GRID2: variants seen among roughly 807,000 people sequenced by gnomAD.
The protein encoded by GRID2 is glutamate ionotropic receptor delta type subunit 2, also known as glutamate receptor ionotropic, delta-2.
GRID2 carries 33 observed loss-of-function variants against 114.8 expected under a neutral mutation model. The ratio of observed to expected loss-of-function variants is 0.29; its 90% CI spans 0.22 to 0.38. The LOEUF is 0.38. GRID2 is among the 10% of genes least tolerant of loss of function. The probability of loss-of-function intolerance (pLI) is 1.00; values close to 1 mark genes in which losing one functional copy is unlikely to be tolerated. For synonymous variants in GRID2, 505 were observed against 449.9 expected (o/e 1.12, Z -1.55); for missense variants, 1,184 against 1,257.7 (o/e 0.94, Z 0.89).
chr4:93,596,572 G>A lies in GRID2; in HGVS notation c.2194-29697G>A, dbSNP rs542446272. On this transcript the variant is annotated intron_variant, in intron 13 of 15. Coordinates refer to ENST00000282020, the MANE Select transcript of GRID2 (RefSeq NM_001510.4). ...CAGCCTGGGCGACAGAGTGAGACTC[G>A]GTCTTAAAAAAAAAAGAAAAAGAAA... is the stretch of plus-strand genomic sequence containing the variant. Among the ~76,000 whole-genome samples, 37 of 151,130 alleles carry A rather than the reference G, an allele frequency of 2.4e-4. No individual in the cohort carries two copies. The South Asian group carries it at 3.3e-3, about 14-fold the overall frequency.
At chr4:92,585,706 A>T (rs1001603807) in intron 1 of GRID2, among the ~76,000 whole-genome samples, 2 of 151,898 alleles carry the variant, frequency 1.3e-5, no homozygotes, top group African/African-American at 4.8e-5. Flanking sequence ...CAGGATGAAC[A>T]CATAATTTTT....
intron 2 of GRID2, among the ~76,000 whole-genome samples, chr4:92,599,793 A>G (rs1411162101): frequency 1.3e-5 from 2 of 151,828 alleles, no homozygotes; most frequent in Non-Finnish European, 2.9e-5. Flanking sequence ...TTGGGAGGCC[A>G]AGGCAGATGG....
intron 13 of GRID2, among the ~76,000 whole-genome samples, chr4:93,558,913 T>C (rs1386168027): frequency 6.6e-6 from 1 of 152,124 alleles, no homozygotes; most frequent in Non-Finnish European, 1.5e-5. Context: ...CATCCCTGGA[T>C]TGCAAAGCTG....
Position 92,828,770 on chromosome 4 carries a change from C to T in GRID2, c.244+238484C>T, listed in dbSNP as rs760139327. ...AAAATTTGCTAGCTTTTTTTATGCT[C>T]TGTTTTAGTACATGTTGAAACAGGT... On this transcript the variant is annotated intron_variant, in intron 2 of 15. Coordinates refer to ENST00000282020, the MANE Select transcript of GRID2 (RefSeq NM_001510.4). 1.3e-4 allele frequency among the ~76,000 whole-genome samples: 19 copies of T among 151,978 alleles called. 1 individual carries two copies. Among genetic ancestry groups the T allele is most frequent in the Admixed American group, 2.0e-4 (3 of 15,238 alleles).
intron 1 of GRID2, among the ~76,000 whole-genome samples, chr4:92,435,363 G>T (rs1202176918): frequency 1.3e-5 from 2 of 152,212 alleles, no homozygotes; most frequent in Non-Finnish European, 2.9e-5. Flanking sequence ...ACTGGAAGCA[G>T]TATCCATGGA....
At chr4:93,657,643 A>C (rs549808732) in intron 14 of GRID2, among the ~76,000 whole-genome samples, 16 of 152,138 alleles carry the variant, frequency 1.1e-4, no homozygotes, top group Middle Eastern at 3.2e-3. Context: ...AGGAGGAAAA[A>C]AAAAACAAAA....
At chr4:92,512,845 T>C (rs1336135360) in intron 1 of GRID2, among the ~76,000 whole-genome samples, 1 of 151,880 alleles carries the variant, frequency 6.6e-6, no homozygotes, top group East Asian at 1.9e-4. Context: ...TTATTCTTTT[T>C]ACTCTGCCTC....
At chr4:93,197,482 A>AT (rs1342837702) in intron 4 of GRID2, among the ~76,000 whole-genome samples, 1 of 152,206 alleles carries the variant, frequency 6.6e-6, no homozygotes, top group East Asian at 1.9e-4. Context: ...AGTGTCATAC[A>AT]TAGTAAGCAC....
At chr4:93,434,035 G>A (rs138983620) in intron 10 of GRID2, among the ~76,000 whole-genome samples, 4 of 152,150 alleles carry the variant, frequency 2.6e-5, no homozygotes, top group African/African-American at 9.7e-5. Flanking sequence ...TAATACCCAT[G>A]TGAGCCTAAA....
chr4:92,553,585 T>C (rs1560707624), intron 1 of GRID2, among the ~76,000 whole-genome samples: 1 of 152,162 alleles, frequency 6.6e-6, no homozygotes, highest in African/African-American at 2.4e-5. Flanking sequence ...ATTGCATAAA[T>C]TATATTGACC....
chr4:93,403,197 G>A (rs1766072999), intron 9 of GRID2, among the ~76,000 whole-genome samples: 1 of 152,080 alleles, frequency 6.6e-6, no homozygotes, highest in Non-Finnish European at 1.5e-5. Flanking sequence ...GACAACTCTG[G>A]CTGAGGAAAT....
intron 2 of GRID2, among the ~76,000 whole-genome samples, chr4:92,844,730 A>C (rs1284969291): frequency 6.6e-6 from 1 of 151,872 alleles, no homozygotes; most frequent in Admixed American, 6.6e-5. Flanking sequence ...AGAAAGAAAA[A>C]AAAAAGATTG....
At chr4:93,601,707 CCT>C (rs1407072876) in intron 13 of GRID2, among the ~76,000 whole-genome samples, 1 of 152,030 alleles carries the variant, frequency 6.6e-6, no homozygotes, top group Admixed American at 6.6e-5. Flanking sequence ...TTCCTTTGTT[CCT>C]CTGTCTTTAA....
chr4:92,577,950 C>G (rs1269233806), intron 1 of GRID2, among the ~76,000 whole-genome samples: 1 of 152,016 alleles, frequency 6.6e-6, no homozygotes, highest in African/African-American at 2.4e-5. Flanking sequence ...GCCTCAAAGT[C>G]TCAGTGAGAA....
At chr4:92,488,212 G>C (rs1226942103) in intron 1 of GRID2, among the ~76,000 whole-genome samples, 1 of 152,060 alleles carries the variant, frequency 6.6e-6, no homozygotes, top group Non-Finnish European at 1.5e-5. Flanking sequence ...CATTCATTTT[G>C]GGGATATAAA....
chr4:93,365,176 C>G (rs1762223692), intron 8 of GRID2, among the ~76,000 whole-genome samples: 2 of 152,096 alleles, frequency 1.3e-5, no homozygotes, highest in South Asian at 4.1e-4. Context: ...TGTACTACCT[C>G]TGAGACTTGA....
rs1013609769 is a variant in GRID2 at position 92,659,879 on chromosome 4, T to C, written c.244+69593T>C. On this transcript the variant is annotated intron_variant, in intron 2 of 15. Coordinates refer to ENST00000282020, the MANE Select transcript of GRID2 (RefSeq NM_001510.4). ...GCATGTGGAAAGACTAGTTTTTCTTTAGTTAGTACATTCTTTCCTCGGATA... is the reference window on the plus strand; with the variant it reads ...GCATGTGGAAAGACTAGTTTTTCTTCAGTTAGTACATTCTTTCCTCGGATA... Among the ~76,000 whole-genome samples, 5 of 151,494 alleles carry C rather than the reference T, an allele frequency of 3.3e-5. No individual in the cohort carries two copies. The Admixed American group carries it at 3.3e-4, about 10-fold the overall frequency.
chr4:93,419,493 T>C (rs116636624), intron 9 of GRID2, among the ~76,000 whole-genome samples: 1,897 of 152,182 alleles, frequency 0.012, 46 homozygotes, highest in African/African-American at 0.043. Context: ...GTTGTACTCA[T>C]AGAGTACTAG....
At chr4:93,177,782 A>C (rs1739482632) in intron 4 of GRID2, among the ~76,000 whole-genome samples, 1 of 152,262 alleles carries the variant, frequency 6.6e-6, no homozygotes, top group Middle Eastern at 3.4e-3. Flanking sequence ...TTGCTCCTTT[A>C]TAATAAAATT....
Sources: allele counts gnomAD v4.1 joint callset (sites outside exome capture counted in the v4.1 genomes callset), GRCh38; gene constraint gnomAD v4.1.1; transcripts MANE v1.5; gene names NCBI Gene and HGNC (gene_info 2026-07-23, HGNC 2026-07-21).